The following DENND4C variants were observed in gnomAD, a reference collection of about 807,000 sequenced individuals.
DENND4C encodes the protein DENN domain-containing protein 4C.
In DENND4C, 108 loss-of-function variants were observed where a neutral mutation model predicts 203.0. The observed-to-expected ratio is 0.53, with a 90% confidence interval of 0.46 to 0.62. The LOEUF is 0.62. Among genes scored for constraint, DENND4C ranks in the 20% least tolerant of loss-of-function variants. The probability of loss-of-function intolerance (pLI) is 0.00; values close to 1 mark genes in which losing one functional copy is unlikely to be tolerated. For missense variants in DENND4C, 2,481 were observed against 2,301.2 expected, an observed-to-expected ratio of 1.08 and a Z score of -1.60; for synonymous variants, 871 against 792.4, an observed-to-expected ratio of 1.10 and a Z score of -1.67.
chr9:19,352,273 T>C, intron 25 of DENND4C, 91 bp downstream of exon 25: 2 of 1,237,610 alleles, frequency 1.6e-6, no homozygotes, highest in South Asian at 1.4e-5. Context: ...GATACCCTTG[T>C]GGACAGTATA....
intron 26 of DENND4C, among the ~76,000 whole-genome samples, chr9:19,354,590 T>C (rs1824949885): frequency 1.3e-5 from 2 of 148,710 alleles, no homozygotes; most frequent in African/African-American, 5.0e-5. Context: ...GTTTCACTCT[T>C]GTCGCCCAGG....
chr9:19,357,082 T>C lies in DENND4C; in HGVS notation c.4892T>C (p.Leu1631Ser). ...GTATCCAGTTTAGCAGAACCTGACT[T>C]GATCAACTTTATGGACTTCCCAAAA... ...KPVSSLAEPD[L>S]INFMDFPKHN... Residue 1631 changes from leucine (L) to serine (S), a missense_variant, in exon 27 of 33, where the codon TTG becomes TCG. This residue lies in a region of DENND4C where 2,289 missense variants were observed against 2,113.3 expected (regional missense o/e 1.08). Coordinates refer to ENST00000434457, the MANE Select transcript of DENND4C (RefSeq NM_001330640.2). 1.2e-6 allele frequency: 2 copies of C among 1,613,964 alleles called. No individual in the cohort carries two copies. The highest frequency in any genetic ancestry group is 1.7e-6 in the Non-Finnish European group (2 of 1,179,908).
At chr9:19,273,322 G>T (rs965146596) in intron 1 of DENND4C, among the ~76,000 whole-genome samples, 1 of 151,892 alleles carries the variant, frequency 6.6e-6, no homozygotes, top group Non-Finnish European at 1.5e-5. Context: ...CTGACCTCAG[G>T]TGATCCACCC....
chr9:19,317,181 C>CT (rs11331413), intron 12 of DENND4C, among the ~76,000 whole-genome samples: 6,924 of 126,942 alleles, frequency 0.055, 330 homozygotes, highest in East Asian at 0.27. Context: ...GATTTGTACA[C>CT]TTTTTTTTTT....
At chr9:19,280,184 G>A (rs1302228207) in intron 2 of DENND4C, among the ~76,000 whole-genome samples, 2 of 148,584 alleles carry the variant, frequency 1.3e-5, no homozygotes, top group Non-Finnish European at 3.0e-5. Context: ...ACAGAGTCTC[G>A]CTCTGTCCAG....
intron 28 of DENND4C, among the ~76,000 whole-genome samples, chr9:19,359,097 T>A (rs1222158307): frequency 6.6e-6 from 1 of 151,818 alleles, no homozygotes; most frequent in African/African-American, 2.4e-5. Context: ...AAATTTATAG[T>A]GGAAAGGCAG....
At position 19,350,781 on chromosome 9, in the gene DENND4C, G is replaced by A. The variant is rs905958834; in HGVS notation, c.4397G>A (p.Ser1466Asn). Residue 1466 changes from serine to asparagine, a missense_variant, in exon 24 of 33, where the codon AGT becomes AAT. Ser to Asn is a conservative substitution (Grantham distance 46). Coordinates refer to ENST00000434457, the MANE Select transcript of DENND4C (RefSeq NM_001330640.2). ...GGGGAGAATATATCGCCTAACACAA[G>A]TATCTCAGGGTTGGTCCCCAGTGAA... ...ILGENISPNT[S>N]ISGLVPSELT... 3.1e-6 allele frequency: 5 copies of A among 1,613,936 alleles called. No individual in the cohort carries two copies. Among genetic ancestry groups the A allele is most frequent in the Non-Finnish European group, 2.5e-6 (3 of 1,179,990 alleles).
chr9:19,241,289 C>T (rs116190639), intron 1 of DENND4C, among the ~76,000 whole-genome samples: 2,450 of 152,134 alleles, frequency 0.016, 74 homozygotes, highest in African/African-American at 0.056. Context: ...TTTTGACTCT[C>T]GTAACAACAC....
intron 5 of DENND4C, among the ~76,000 whole-genome samples, chr9:19,292,907 A>T (rs1424535289): frequency 6.6e-6 from 1 of 152,160 alleles, no homozygotes; most frequent in Non-Finnish European, 1.5e-5. Flanking sequence ...ATATAATCTG[A>T]ACTGACTCAT....
At chr9:19,283,610 C>CTTTTT (rs553611899) in intron 2 of DENND4C, among the ~76,000 whole-genome samples, 5 of 116,576 alleles carry the variant, frequency 4.3e-5, no homozygotes, top group Admixed American at 9.9e-5. Context: ...TTTTTTCTTT[C>CTTTTT]TTTTTTTTTT....
At chr9:19,276,513 G>T (rs1832922042) in intron 2 of DENND4C, 34 bp downstream of exon 2, 1 of 1,201,290 alleles carries the variant, frequency 8.3e-7, no homozygotes, top group South Asian at 4.3e-5. Flanking sequence ...TATAGTGAAG[G>T]AGTAAAATTT....
At chr9:19,280,336 G>T (rs543279171) in intron 2 of DENND4C, among the ~76,000 whole-genome samples, 4 of 151,956 alleles carry the variant, frequency 2.6e-5, no homozygotes, top group Non-Finnish European at 5.9e-5. Context: ...TAGTAGAGAC[G>T]GGGTTTCACC....
At chr9:19,345,140 T>C (rs1822568255) in intron 22 of DENND4C, among the ~76,000 whole-genome samples, 2 of 152,236 alleles carry the variant, frequency 1.3e-5, no homozygotes, top group Admixed American at 6.5e-5. Context: ...GTTCTAATAA[T>C]GATTCAAATA....
At chr9:19,259,509 T>TC (rs1262751580) in intron 1 of DENND4C, among the ~76,000 whole-genome samples, 5 of 149,516 alleles carry the variant, frequency 3.3e-5, no homozygotes, top group African/African-American at 4.9e-5. Context: ...TTTTTTCTTT[T>TC]TTTTTTTTTT....
chr9:19,308,282 GTT>G (rs1840074457), intron 10 of DENND4C, among the ~76,000 whole-genome samples: 1 of 152,160 alleles, frequency 6.6e-6, no homozygotes, highest in African/African-American at 2.4e-5. Context: ...ACTCTCCCAA[GTT>G]TACTCCGTCC....
rs892683637 is a variant in DENND4C, at chr9:19,372,110, T to A, written c.5814T>A (p.Ile1938=). The change falls in exon 33 of 33, where the codon ATT becomes ATA. Residue 1938 remains isoleucine (I), a synonymous_variant. Transcript: ENST00000434457. ...AGATTCTTGAAAGGTTGCAGAAAAT[T>A]GATGCTCCACCAAGTGCCAGTGTCG... ...SSEILERLQK[I]DAPPSASVEW... 1 of 1,613,996 alleles carries A rather than the reference T, an allele frequency of 6.2e-7. No homozygotes were observed. The highest frequency in any genetic ancestry group is 8.5e-7 in the Non-Finnish European group (1 of 1,179,988).
intron 27 of DENND4C, chr9:19,357,485 A>G (rs61521882): frequency 0.026 from 7,161 of 273,766 alleles, 492 homozygotes; most frequent in African/African-American, 0.15. Context: ...TACTAATTGA[A>G]TCAAACATTT....
Position 19,342,755 on chromosome 9 carries a change from G to A in DENND4C, c.3127G>A (p.Val1043Ile), listed in dbSNP as rs373194449. Residue 1043 changes from valine (V) to isoleucine (I), a missense_variant, in exon 22 of 33, where the codon GTC becomes ATC. Physicochemically the swap from Val to Ile is conservative, Grantham distance 29. This residue lies in a region of DENND4C where 2,289 missense variants were observed against 2,113.3 expected (regional missense o/e 1.08). Coordinates refer to ENST00000434457, the MANE Select transcript of DENND4C (RefSeq NM_001330640.2). ...IVKVPSGIFD[V>I]NSRKSSTGSI... is the part of the protein sequence containing the mutation. ...GAAAGTTCCGTCTGGTATATTTGAT[G>A]TCAACAGCAGGAAAAGTAGCACTGG... 6.2e-7 allele frequency: 1 copy of A among 1,606,312 alleles called. No homozygotes were observed. The highest frequency in any genetic ancestry group is 8.5e-7 in the Non-Finnish European group (1 of 1,177,006).
At chr9:19,300,102 A>G (rs1276804585) in intron 8 of DENND4C, 85 bp from the exon 9 acceptor site, 3 of 1,331,468 alleles carry the variant, frequency 2.3e-6, no homozygotes, top group African/African-American at 1.5e-5. Context: ...TAGACTCTCA[A>G]TCTGTTGATA....
Sources: gnomAD v4.1 joint callset for allele counts (sites outside exome capture counted in the v4.1 genomes callset) on GRCh38, gnomAD v4.1.1 for gene constraint, gnomAD v4.1.1 regional missense constraint, MANE v1.5 for transcripts, NCBI Gene and HGNC (gene_info 2026-07-23, HGNC 2026-07-21) for gene names.